The following SH3GL3 variants were observed in gnomAD, a reference collection of about 807,000 sequenced individuals.
SH3GL3 encodes the protein endophilin-A3.
In SH3GL3, 33 loss-of-function variants were observed where a neutral mutation model predicts 47.7. The observed-to-expected ratio is 0.69, with a 90% CI of 0.52 to 0.92. The LOEUF (loss-of-function observed/expected upper bound fraction) is 0.92. Ranked by LOEUF, SH3GL3 falls within the 40% of genes least tolerant of loss-of-function variation. The pLI, the probability that SH3GL3 is intolerant of heterozygous loss-of-function variation, is 0.00. For synonymous variants in SH3GL3, 155 were observed against 148.8 expected (o/e 1.04, Z -0.30); for missense variants, 363 against 417.8 (o/e 0.87, Z 1.14).
At chr15:83,494,650 C>A (rs1275899254) in intron 1 of SH3GL3, among the ~76,000 whole-genome samples, 1 of 151,382 alleles carries the variant, frequency 6.6e-6, no homozygotes, top group Non-Finnish European at 1.5e-5. Context: ...TCAAGCGATT[C>A]TCCTGCCTCA....
rs577665868 is a variant in SH3GL3, at chr15:83,584,549, C to A, written c.625-2434C>A. On this transcript the variant is annotated intron_variant, in intron 6 of 8. Transcript: ENST00000427482. Reference sequence around the variant, plus strand: ...AGCCCTCACTTCACACATTTGTCAACCACCGAGGCCTGTGCCTCCTTGACC... The same window carrying A: ...AGCCCTCACTTCACACATTTGTCAAACACCGAGGCCTGTGCCTCCTTGACC... Among the ~76,000 whole-genome samples, 190 of 152,332 alleles carry A rather than the reference C, an allele frequency of 1.2e-3. 2 individuals are homozygous for A. The highest frequency in any genetic ancestry group is 4.4e-3 in the African/African-American group (184 of 41,580).
At chr15:83,594,607 CCT>C (rs1404007931) in intron 8 of SH3GL3, among the ~76,000 whole-genome samples, 6 of 152,194 alleles carry the variant, frequency 3.9e-5, no homozygotes, top group Non-Finnish European at 5.9e-5. Context: ...TCTCCTTCGG[CCT>C]CTCTTGCTGT....
chr15:83,456,791 T>TGTAGACC (rs1325626757), intron 1 of SH3GL3, among the ~76,000 whole-genome samples: 4 of 152,030 alleles, frequency 2.6e-5, no homozygotes, highest in African/African-American at 9.7e-5. Context: ...CGCTGGGAGC[T>TGTAGACC]GTAGACCGGA....
At chr15:83,507,581 A>T (rs887533042) in intron 1 of SH3GL3, among the ~76,000 whole-genome samples, 1 of 151,488 alleles carries the variant, frequency 6.6e-6, no homozygotes, top group African/African-American at 2.4e-5. Flanking sequence ...CGCCTGGCTA[A>T]TTTTTGTAGT....
chr15:83,578,150 G>A (rs1209942880), intron 6 of SH3GL3, among the ~76,000 whole-genome samples: 1 of 152,174 alleles, frequency 6.6e-6, no homozygotes, highest in African/African-American at 2.4e-5. Context: ...AAATGAAATG[G>A]AATTAAGGAG....
intron 6 of SH3GL3, among the ~76,000 whole-genome samples, chr15:83,580,550 T>G (rs1326573713): frequency 6.6e-6 from 1 of 152,198 alleles, no homozygotes; most frequent in Non-Finnish European, 1.5e-5. Context: ...TTCTGACCAA[T>G]GGAGGAAGTG....
chr15:83,450,804 A>ATTTTTTT (rs34099509), intron 1 of SH3GL3, among the ~76,000 whole-genome samples: 8 of 58,814 alleles, frequency 1.4e-4, no homozygotes, highest in African/African-American at 3.2e-4. Context: ...TTTTTTTTTA[A>ATTTTTTT]TTTTTTTTTT....
rs190489229 is a variant in SH3GL3, at chr15:83,468,021, A to G, written c.45+20443A>G. On this transcript the variant is annotated intron_variant, in intron 1 of 8. Transcript: ENST00000427482. The stretch of plus-strand genomic sequence containing the variant: ...TTTCTGTTATATTTTTAGTAGAGAC[A>G]GGGTTTCACCATGTTAGCCAGGATG... Among the ~76,000 whole-genome samples the G allele has an allele frequency of 8.4e-3, 1,280 of 152,134 alleles. 4 individuals are homozygous for G. The highest frequency in any genetic ancestry group is 0.013 in the East Asian group (69 of 5,142).
At chr15:83,551,301 C>T (rs998447355) in intron 1 of SH3GL3, among the ~76,000 whole-genome samples, 8 of 152,112 alleles carry the variant, frequency 5.3e-5, no homozygotes, top group African/African-American at 1.9e-4. Context: ...ATCTTCTTTT[C>T]CACTGGGGGA....
chr15:83,497,408 A>G (rs548011268), intron 1 of SH3GL3, among the ~76,000 whole-genome samples: 8 of 152,132 alleles, frequency 5.3e-5, no homozygotes, highest in Non-Finnish European at 1.2e-4. Context: ...CCTTCTCGCT[A>G]TCTCTTTTAC....
At chr15:83,513,974 A>G (rs950671390) in intron 1 of SH3GL3, among the ~76,000 whole-genome samples, 29 of 152,226 alleles carry the variant, frequency 1.9e-4, no homozygotes, top group African/African-American at 6.5e-4. Context: ...AGGAGAAACA[A>G]CTAGTCCATG....
intron 8 of SH3GL3, among the ~76,000 whole-genome samples, chr15:83,589,263 C>G (rs997136651): frequency 6.6e-6 from 1 of 152,158 alleles, no homozygotes; most frequent in African/African-American, 2.4e-5. Context: ...CCTACACCAT[C>G]GCAGTTCGCT....
intron 1 of SH3GL3, among the ~76,000 whole-genome samples, chr15:83,472,373 C>G (rs2040870291): frequency 6.6e-6 from 1 of 152,108 alleles, no homozygotes. Context: ...CCTCATGTCC[C>G]TGCAGCTTTG....
chr15:83,523,408 G>A (rs560039159), intron 1 of SH3GL3, among the ~76,000 whole-genome samples: 11 of 152,264 alleles, frequency 7.2e-5, no homozygotes, highest in South Asian at 6.2e-4. Flanking sequence ...GCCCGGGAAG[G>A]GTGTGTGGAG....
intron 1 of SH3GL3, among the ~76,000 whole-genome samples, chr15:83,497,069 T>A (rs1179108106): frequency 1.3e-5 from 2 of 152,204 alleles, no homozygotes; most frequent in Non-Finnish European, 2.9e-5. Context: ...TTCTCTGCTA[T>A]ACAGGGTCTG....
At chr15:83,479,404 G>C (rs916882325) in intron 1 of SH3GL3, among the ~76,000 whole-genome samples, 11 of 152,102 alleles carry the variant, frequency 7.2e-5, no homozygotes, top group African/African-American at 2.7e-4. Flanking sequence ...CTGGTGAGTA[G>C]GGAGAGTGAC....
intron 7 of SH3GL3, 136 bp from the exon 8 acceptor site, chr15:83,588,526 G>C: frequency 6.3e-6 from 4 of 635,946 alleles, no homozygotes; most frequent in Non-Finnish European, 1.1e-5. Context: ...CTACTCAAGA[G>C]TCAGTGTGTA....
chr15:83,512,711 ACTC>A lies in SH3GL3; in HGVS notation c.46-46537_46-46535del, dbSNP rs1383168519. ...CCGTCCCTGCCTCCCTGGCCTCCCT[ACTC>A]CTCCATCCCCTCCAAGACTCTCAAT... On this transcript the variant is annotated intron_variant, in intron 1 of 8. Coordinates refer to ENST00000427482, the MANE Select transcript of SH3GL3 (RefSeq NM_003027.5). 3.4e-5 allele frequency among the ~76,000 whole-genome samples: 5 copies of A among 147,880 alleles called. 1 individual carries two copies. The East Asian group carries it at 1.0e-3, about 30-fold the overall frequency.
intron 1 of SH3GL3, chr15:83,489,361 C>T (rs1004230104): frequency 6.6e-6 from 1 of 152,160 alleles, no homozygotes; most frequent in African/African-American, 2.4e-5. Context: ...ACTGCTGTGA[C>T]CCTCCACTTC....
Sources: allele counts gnomAD v4.1 joint callset (sites outside exome capture counted in the v4.1 genomes callset), GRCh38; gene constraint gnomAD v4.1.1; transcripts MANE v1.5; gene names NCBI Gene and HGNC (gene_info 2026-07-23, HGNC 2026-07-21).